The following SLC6A17 variants were observed in gnomAD, a reference collection of about 807,000 sequenced individuals.
SLC6A17 encodes sodium-dependent neutral amino acid transporter SLC6A17.
Under a neutral mutation model 64.5 loss-of-function variants are expected in SLC6A17, and 21 were observed. The observed-to-expected ratio is 0.33, with a 90% confidence interval of 0.23 to 0.47. The LOEUF is 0.47. SLC6A17 is among the 20% of genes least tolerant of loss of function. SLC6A17 has a pLI of 1.00. For missense variants in SLC6A17, 682 were observed against 963.2 expected, an observed-to-expected ratio of 0.71 and a Z score of 3.86; for synonymous variants, 372 against 399.5, an observed-to-expected ratio of 0.93 and a Z score of 0.82.
At chr1:110,189,845 C>T (rs1656780587) in intron 6 of SLC6A17, among the ~76,000 whole-genome samples, 1 of 152,214 alleles carries the variant, frequency 6.6e-6, no homozygotes, top group Admixed American at 6.5e-5. Flanking sequence ...TTGAGGACCC[C>T]TTCTTCTGGG....
chr1:110,193,604 A>G (rs913554226), intron 8 of SLC6A17, among the ~76,000 whole-genome samples: 1 of 152,214 alleles, frequency 6.6e-6, no homozygotes, highest in Non-Finnish European at 1.5e-5. Context: ...GTTAAAAGTC[A>G]GCTCCATTGG....
chr1:110,197,977 G>A (rs972993788), intron 11 of SLC6A17, 99 bp from the exon 12 acceptor site: 41 of 1,506,976 alleles, frequency 2.7e-5, no homozygotes, highest in Non-Finnish European at 3.4e-5. Context: ...GGAGAGGAGT[G>A]GAAGGCCATG....
intron 10 of SLC6A17, among the ~76,000 whole-genome samples, chr1:110,197,078 T>G (rs1213910794): frequency 2.6e-5 from 4 of 152,224 alleles, no homozygotes; most frequent in Non-Finnish European, 5.9e-5. Context: ...GCACTTCTAC[T>G]GCTTTTCCAG....
chr1:110,192,379 C>A lies in SLC6A17; in HGVS notation c.1107-127C>A. 6.9e-7 allele frequency: 1 copy of A among 1,445,004 alleles called. No homozygotes were observed. Among genetic ancestry groups the A allele is most frequent in the Non-Finnish European group, 9.4e-7 (1 of 1,068,674 alleles). 89.5% of individuals were successfully genotyped at this position (1,445,004 alleles called of 1,614,324 possible). A position where few individuals can be genotyped will look rare whatever the true frequency, so the allele number is the denominator to read the frequency against. ...TGTCCCCAGCTCCGGGCCACAGGGA[C>A]AAGCTCAGAGATGCCTCTGTCAGTG... On this transcript the variant is annotated intron_variant, in intron 7 of 11. Transcript: ENST00000331565. The surrounding 1 kb of genome is among the most constrained non-coding windows in gnomAD (Gnocchi z 4.3).
In SLC6A17 at chr1:110,182,923, AGAGAAAT is replaced by A. The variant is rs1330655441; in HGVS notation, c.864+6193_864+6199del. The stretch of plus-strand genomic sequence containing the variant: ...CTCAGGAGTTTTGCGATACAGGAGC[AGAGAAAT>A]GAGAAATGGGATGGTAACTGGAGAG... On this transcript the variant is annotated intron_variant, in intron 6 of 11. Transcript: ENST00000331565. 8.3e-4 allele frequency among the ~76,000 whole-genome samples: 127 copies of A among 152,326 alleles called. 2 individuals are homozygous for A. Among genetic ancestry groups the A allele is most frequent in the Non-Finnish European group, 1.2e-4 (8 of 68,030 alleles).
chr1:110,170,405 A>G (rs1656188552), intron 2 of SLC6A17, among the ~76,000 whole-genome samples: 1 of 152,092 alleles, frequency 6.6e-6, no homozygotes, highest in Admixed American at 6.5e-5. Flanking sequence ...AATGGTGTGA[A>G]CCCGGGAGGC....
chr1:110,186,606 C>T (rs1408992343), intron 6 of SLC6A17, among the ~76,000 whole-genome samples: 1 of 152,170 alleles, frequency 6.6e-6, no homozygotes, highest in African/African-American at 2.4e-5. Context: ...TTTGTAGCCC[C>T]TTGTCTGGTC....
intron 6 of SLC6A17, among the ~76,000 whole-genome samples, chr1:110,183,602 TAAA>T (rs987325270): frequency 6.6e-6 from 1 of 152,060 alleles, no homozygotes; most frequent in Non-Finnish European, 1.5e-5. Flanking sequence ...ATTGTGCACT[TAAA>T]AAATTCAAAA....
chr1:110,174,165 G>C (rs1338500012), intron 4 of SLC6A17, 66 bp downstream of exon 4: 18 of 1,578,376 alleles, frequency 1.1e-5, no homozygotes, highest in Non-Finnish European at 1.5e-5. Flanking sequence ...CACAAGCTTA[G>C]CGCACACATT....
chr1:110,174,239 C>A, intron 4 of SLC6A17, 140 bp downstream of exon 4: 1 of 1,243,086 alleles, frequency 8.0e-7, no homozygotes, highest in Non-Finnish European at 1.1e-6. Flanking sequence ...CCTCATTTCC[C>A]CTTCCCCAGT....
intron 10 of SLC6A17, 71 bp from the exon 11 acceptor site, chr1:110,197,366 G>A: frequency 2.6e-6 from 4 of 1,538,600 alleles, no homozygotes; most frequent in Non-Finnish European, 3.5e-6. Flanking sequence ...TTCTGGAGGA[G>A]ATGGTGATGG....
intron 1 of SLC6A17, among the ~76,000 whole-genome samples, chr1:110,163,018 TAAAAAAAAAAA>T (rs67702050): frequency 9.8e-6 from 1 of 102,204 alleles, no homozygotes; most frequent in Non-Finnish European, 1.9e-5. Flanking sequence ...CCCATGTTGG[TAAAAAAAAAAA>T]AAAAAAAAAA....
chr1:110,161,523 G>A (rs559182803), intron 1 of SLC6A17, among the ~76,000 whole-genome samples: 6 of 152,282 alleles, frequency 3.9e-5, no homozygotes, highest in African/African-American at 1.4e-4. Flanking sequence ...TCAGGAGCAC[G>A]GGGAGGGGCG....
At chr1:110,180,703 C>A (rs1446170867) in intron 6 of SLC6A17, among the ~76,000 whole-genome samples, 1 of 152,136 alleles carries the variant, frequency 6.6e-6, no homozygotes, top group Non-Finnish European at 1.5e-5. Context: ...CAAGTTCTTG[C>A]CCTACAATGA....
Position 110,200,774 on chromosome 1 carries a change from G to GGT in SLC6A17, c.*2340_*2341dup. 1.3e-5 allele frequency: 2 copies of GGT among 152,566 alleles called. No individual in the cohort carries two copies. The highest frequency in any genetic ancestry group is 2.9e-5 in the Non-Finnish European group (2 of 68,298). 9.5% of individuals were successfully genotyped at this position (152,566 alleles called of 1,614,324 possible). ...GTTAGACGTAGGGCCTAGAGCTCGG[G>GGT]GTGTGTGTGTGCGTGCTGTGTGTAT... On this transcript the variant is annotated 3_prime_UTR_variant, in exon 12 of 12. Coordinates refer to ENST00000331565, the MANE Select transcript of SLC6A17 (RefSeq NM_001010898.4).
intron 10 of SLC6A17, 76 bp from the exon 11 acceptor site, chr1:110,197,361 G>A: frequency 1.3e-6 from 2 of 1,531,112 alleles, no homozygotes; most frequent in Non-Finnish European, 1.8e-6. Context: ...AGACTTTCTG[G>A]AGGAGATGGT....
rs551548199 is a variant in SLC6A17 at position 110,199,887 on chromosome 1, G to C, written c.*1443G>C. ...TGGATGGATGGGTTGGGGAGTGGGG[G>C]TGGATGGATGGATAGATGGATGGAT... On this transcript the variant is annotated 3_prime_UTR_variant, in exon 12 of 12. Transcript: ENST00000331565. 1 of 389,006 alleles carries C rather than the reference G, an allele frequency of 2.6e-6. No individual in the cohort carries two copies. The highest frequency in any genetic ancestry group is 3.6e-5 in the East Asian group (1 of 27,450). The allele number at this position is 389,006 out of a possible 1,614,324, so 24.1% of individuals were successfully genotyped here.
At chr1:110,172,653 G>A (rs113462431) in intron 3 of SLC6A17, among the ~76,000 whole-genome samples, 19 of 152,320 alleles carry the variant, frequency 1.2e-4, no homozygotes, top group Non-Finnish European at 2.5e-4. Context: ...AGGCAGGCCT[G>A]GGGCTCAGGG....
Position 110,192,499 on chromosome 1 carries a change from G to A in SLC6A17, c.1107-7G>A, listed in dbSNP as rs768718942. ...TCTTACCTGGTCCTCTCGGTTTTGT[G>A]CTGCAGGAATGCTGAGAAAATCCTA... On this transcript the variant is annotated splice_polypyrimidine_tract_variant and splice_region_variant and intron_variant, in intron 7 of 11. Transcript: ENST00000331565. This position sits in a 1 kb window ranked among gnomAD's most constrained non-coding sequence, Gnocchi z 4.3. The A allele has an allele frequency of 1.3e-5, 21 of 1,610,168 alleles. No individual in the cohort carries two copies. The highest frequency in any genetic ancestry group is 1.8e-5 in the Non-Finnish European group (21 of 1,178,048).
Sources: allele counts gnomAD v4.1 joint callset (sites outside exome capture counted in the v4.1 genomes callset), GRCh38; gene constraint gnomAD v4.1.1; non-coding constraint Gnocchi (gnomAD v3.1); transcripts MANE v1.5; gene names NCBI Gene and HGNC (gene_info 2026-07-23, HGNC 2026-07-21).